The following NTF3 variants were observed in gnomAD, a reference collection of about 807,000 sequenced individuals.
NTF3 encodes neurotrophin-3.
NTF3 carries 8 observed loss-of-function variants against 26.3 expected under a neutral mutation model. The observed-to-expected ratio is 0.30, with a 90% CI of 0.18 to 0.55. The LOEUF is 0.55. Ranked by LOEUF, NTF3 falls within the 20% of genes least tolerant of loss-of-function variation. The probability of loss-of-function intolerance (pLI) is 0.93; values close to 1 mark genes in which losing one functional copy is unlikely to be tolerated. For missense variants in NTF3, 276 were observed against 352.9 expected (o/e 0.78, Z 1.75); for synonymous variants, 154 against 145.5 (o/e 1.06, Z -0.42).
At chr12:5,449,270 G>A (rs1940344407) in intron 1 of NTF3, among the ~76,000 whole-genome samples, 1 of 152,194 alleles carries the variant, frequency 6.6e-6, no homozygotes, top group South Asian at 2.1e-4. Context: ...AGCGTTAATA[G>A]GAGCTCTGTC....
intron 1 of NTF3, among the ~76,000 whole-genome samples, chr12:5,480,269 CATTCGCAACGGGAACATTGG>C (rs2121230730): frequency 6.6e-6 from 1 of 152,290 alleles, no homozygotes; most frequent in African/African-American, 2.4e-5. Context: ...TGCCTGTTTG[CATTCGCAACGGGAACATTGG>C]AAGTTCGGGT....
At chr12:5,487,652 T>C (rs893787359) in intron 1 of NTF3, among the ~76,000 whole-genome samples, 6 of 152,172 alleles carry the variant, frequency 3.9e-5, no homozygotes, top group African/African-American at 1.4e-4. Flanking sequence ...GGATTGACCA[T>C]GTATGTTAGT....
At chr12:5,436,213 G>A (rs148907254) in intron 1 of NTF3, among the ~76,000 whole-genome samples, 6 of 152,234 alleles carry the variant, frequency 3.9e-5, no homozygotes, top group Admixed American at 1.3e-4. Context: ...TCTGACCACC[G>A]TTGGGCATAT....
intron 1 of NTF3, among the ~76,000 whole-genome samples, chr12:5,465,607 C>T (rs1354139891): frequency 6.6e-6 from 1 of 152,222 alleles, no homozygotes; most frequent in African/African-American, 2.4e-5. Context: ...ATAACTGTAG[C>T]CTGATTTTAC....
intron 1 of NTF3, among the ~76,000 whole-genome samples, chr12:5,460,536 A>G (rs138059851): frequency 3.4e-4 from 52 of 152,270 alleles, no homozygotes; most frequent in African/African-American, 1.2e-3. Context: ...TTTTATCACC[A>G]CAAGGCCAGT....
chr12:5,443,574 G>A (rs370533117), intron 1 of NTF3, among the ~76,000 whole-genome samples: 5 of 152,282 alleles, frequency 3.3e-5, no homozygotes, highest in African/African-American at 1.2e-4. Flanking sequence ...GTCCAAGATA[G>A]CTACCCCAAA....
At chr12:5,490,951 T>C (rs1252928568) in intron 1 of NTF3, among the ~76,000 whole-genome samples, 1 of 152,244 alleles carries the variant, frequency 6.6e-6, no homozygotes. Context: ...CCACAGGCCA[T>C]TCAGCTTCAT....
chr12:5,484,213 G>A (rs1218080589), intron 1 of NTF3, among the ~76,000 whole-genome samples: 1 of 152,116 alleles, frequency 6.6e-6, no homozygotes, highest in Non-Finnish European at 1.5e-5. Context: ...GATTGGTTTT[G>A]GGCAAGTCAC....
chr12:5,452,667 G>A (rs1940390188), intron 1 of NTF3, among the ~76,000 whole-genome samples: 3 of 152,174 alleles, frequency 2.0e-5, no homozygotes, highest in Non-Finnish European at 4.4e-5. Context: ...CTCTGAGTGG[G>A]GAGCCGGGGC....
chr12:5,451,557 G>A lies in NTF3; in HGVS notation c.18+19215G>A, dbSNP rs1591594948. On this transcript the variant is annotated intron_variant, in intron 1 of 1. Coordinates refer to ENST00000423158, the MANE Select transcript of NTF3 (RefSeq NM_001102654.2). ...CAACATAGAGAGTTAAGAAAATGGG[G>A]AAAGAATAAAGAGTAAAACAATGAC... Among the ~76,000 whole-genome samples the A allele has an allele frequency of 5.9e-5, 9 of 152,316 alleles. No homozygotes were observed. In the South Asian group the frequency reaches 1.7e-3, roughly 28 times the overall value.
In NTF3 at chr12:5,482,357, G is replaced by A. The variant is rs1028735633; in HGVS notation, c.19-11837G>A. Among the ~76,000 whole-genome samples, 51 of 152,182 alleles carry A rather than the reference G, an allele frequency of 3.4e-4. 1 individual carries two copies. Among genetic ancestry groups the A allele is most frequent in the African/African-American group, 1.2e-3 (48 of 41,450 alleles). On this transcript the variant is annotated intron_variant, in intron 1 of 1. Transcript: ENST00000423158. ...AGAGCCTCTTCCTGAGCCAGGAAGC[G>A]CTGTGTGATACTGAGTGCCCGTGCC...
chr12:5,479,700 A>G (rs1376036176), intron 1 of NTF3, among the ~76,000 whole-genome samples: 1 of 152,144 alleles, frequency 6.6e-6, no homozygotes, highest in East Asian at 1.9e-4. Flanking sequence ...TCCTAACTCC[A>G]TCTCTCCCCA....
At chr12:5,448,074 ACT>A (rs1940327487) in intron 1 of NTF3, among the ~76,000 whole-genome samples, 1 of 151,892 alleles carries the variant, frequency 6.6e-6, no homozygotes, top group African/African-American at 2.4e-5. Context: ...CTCTTGATGA[ACT>A]CTCTGCACAC....
chr12:5,460,075 G>C (rs1342268430), intron 1 of NTF3, among the ~76,000 whole-genome samples: 1 of 152,120 alleles, frequency 6.6e-6, no homozygotes, highest in Non-Finnish European at 1.5e-5. Context: ...AAATTAACCA[G>C]CTATTACAGA....
intron 1 of NTF3, among the ~76,000 whole-genome samples, chr12:5,454,777 G>A (rs1460286673): frequency 4.6e-5 from 7 of 152,314 alleles, no homozygotes; most frequent in African/African-American, 1.2e-4. Flanking sequence ...GGAGGACAGC[G>A]GCGAGAAAAA....
At chr12:5,441,956 G>A (rs1940243285) in intron 1 of NTF3, among the ~76,000 whole-genome samples, 1 of 152,218 alleles carries the variant, frequency 6.6e-6, no homozygotes, top group Admixed American at 6.5e-5. Flanking sequence ...GGAATCGGGT[G>A]TCATTGCATA....
chr12:5,467,995 C>T (rs1312826995), intron 1 of NTF3, among the ~76,000 whole-genome samples: 1 of 152,176 alleles, frequency 6.6e-6, no homozygotes, highest in African/African-American at 2.4e-5. Context: ...GCCCCTCCAC[C>T]CCCCACATTT....
intron 1 of NTF3, among the ~76,000 whole-genome samples, chr12:5,468,726 G>T (rs971319704): frequency 2.6e-5 from 4 of 152,196 alleles, no homozygotes; most frequent in Non-Finnish European, 4.4e-5. Flanking sequence ...ATGCTGGGAT[G>T]TAGTGACACA....
intron 1 of NTF3, among the ~76,000 whole-genome samples, chr12:5,442,418 T>TG (rs1940249028): frequency 6.6e-6 from 1 of 152,120 alleles, no homozygotes; most frequent in Non-Finnish European, 1.5e-5. Flanking sequence ...GTACAGGTGT[T>TG]GGGGCTTGGG....
Sources: allele counts gnomAD v4.1 joint callset (sites outside exome capture counted in the v4.1 genomes callset), GRCh38; gene constraint gnomAD v4.1.1; transcripts MANE v1.5; gene names NCBI Gene and HGNC (gene_info 2026-07-23, HGNC 2026-07-21).